The following RUNDC3B variants were observed in gnomAD, a reference collection of about 807,000 sequenced individuals.
The protein encoded by RUNDC3B is RUN domain containing 3B.
RUNDC3B carries 33 observed loss-of-function variants against 58.4 expected under a neutral mutation model. That is an observed-to-expected ratio of 0.56 (90% confidence interval 0.43 to 0.75). The LOEUF (loss-of-function observed/expected upper bound fraction) is 0.75, where lower values mean the gene tolerates loss of function less well. RUNDC3B is among the 30% of genes least tolerant of loss of function. RUNDC3B has a pLI of 0.00. For synonymous variants in RUNDC3B, 193 were observed against 195.2 expected (o/e 0.99, Z 0.10); for missense variants, 501 against 535.7 (o/e 0.94, Z 0.64).
intron 4 of RUNDC3B, among the ~76,000 whole-genome samples, chr7:87,723,515 A>G (rs1831028247): frequency 6.6e-6 from 1 of 152,202 alleles, no homozygotes; most frequent in South Asian, 2.1e-4. Context: ...TTCACAGCCT[A>G]CAGAAAAATA....
At chr7:87,706,840 C>G (rs983460400) in intron 3 of RUNDC3B, among the ~76,000 whole-genome samples, 9 of 152,104 alleles carry the variant, frequency 5.9e-5, no homozygotes, top group African/African-American at 1.7e-4. Flanking sequence ...TCATCTGTAG[C>G]TCAAAGCAAA....
At chr7:87,754,599 A>C (rs117987950) in intron 6 of RUNDC3B, among the ~76,000 whole-genome samples, 4,515 of 152,294 alleles carry the variant, frequency 0.03, 64 homozygotes, top group Middle Eastern at 0.048. Context: ...AGCTAAACTG[A>C]AGGAAATCAA....
At chr7:87,789,548 T>C (rs932663948) in intron 8 of RUNDC3B, among the ~76,000 whole-genome samples, 5 of 152,198 alleles carry the variant, frequency 3.3e-5, no homozygotes, top group African/African-American at 1.2e-4. Flanking sequence ...TGACAGTTTC[T>C]ACTCATCTGG....
chr7:87,670,687 A>G (rs1160971398), intron 2 of RUNDC3B, among the ~76,000 whole-genome samples: 1 of 152,050 alleles, frequency 6.6e-6, no homozygotes, highest in Non-Finnish European at 1.5e-5. Flanking sequence ...GGCTTTGTGC[A>G]GTGTCTTTAT....
intron 6 of RUNDC3B, among the ~76,000 whole-genome samples, chr7:87,764,736 C>T (rs1833888570): frequency 6.6e-6 from 1 of 151,832 alleles, no homozygotes; most frequent in Non-Finnish European, 1.5e-5. Context: ...TTTCATTCTT[C>T]TTTATGGCTA....
At chr7:87,639,438 C>CT (rs1822206833) in intron 1 of RUNDC3B, among the ~76,000 whole-genome samples, 1 of 152,128 alleles carries the variant, frequency 6.6e-6, no homozygotes, top group African/African-American at 2.4e-5. Context: ...TTCATGTCCT[C>CT]TGTATTCTTA....
intron 1 of RUNDC3B, among the ~76,000 whole-genome samples, chr7:87,632,908 A>G (rs1821371177): frequency 6.6e-6 from 1 of 152,196 alleles, no homozygotes; most frequent in Non-Finnish European, 1.5e-5. Context: ...GAAACTTCCC[A>G]TGCAAAGTCA....
chr7:87,754,325 T>G (rs1392147621), intron 6 of RUNDC3B, among the ~76,000 whole-genome samples: 1 of 152,170 alleles, frequency 6.6e-6, no homozygotes, highest in Non-Finnish European at 1.5e-5. Flanking sequence ...TTAAACAACA[T>G]GCTCCTGATT....
intron 4 of RUNDC3B, among the ~76,000 whole-genome samples, chr7:87,733,171 C>T (rs953340987): frequency 6.6e-6 from 1 of 152,136 alleles, no homozygotes; most frequent in Non-Finnish European, 1.5e-5. Context: ...CCACAAAGGT[C>T]GCATTCCATT....
chr7:87,751,618 A>G (rs1371833577), intron 6 of RUNDC3B, among the ~76,000 whole-genome samples: 2 of 152,000 alleles, frequency 1.3e-5, no homozygotes, highest in African/African-American at 4.8e-5. Context: ...TTGGATTCCT[A>G]GGTATTTTAT....
intron 1 of RUNDC3B, among the ~76,000 whole-genome samples, chr7:87,641,160 A>T (rs547831097): frequency 6.6e-6 from 1 of 152,208 alleles, no homozygotes; most frequent in East Asian, 1.9e-4. Flanking sequence ...TAGTACTATC[A>T]TGTTTACCCT....
At chr7:87,646,924 A>G (rs1394036727) in intron 1 of RUNDC3B, among the ~76,000 whole-genome samples, 1 of 152,154 alleles carries the variant, frequency 6.6e-6, no homozygotes, top group Non-Finnish European at 1.5e-5. Flanking sequence ...TATCAGTGTT[A>G]CTTCCTATAT....
At chr7:87,821,540 C>T (rs949005898) in intron 10 of RUNDC3B, among the ~76,000 whole-genome samples, 11 of 152,152 alleles carry the variant, frequency 7.2e-5, no homozygotes, top group African/African-American at 2.4e-4. Flanking sequence ...GAAAAAACTA[C>T]TTTAAAGTTC....
intron 2 of RUNDC3B, among the ~76,000 whole-genome samples, chr7:87,667,136 T>G (rs1825336665): frequency 6.6e-6 from 1 of 152,164 alleles, no homozygotes; most frequent in South Asian, 2.1e-4. Flanking sequence ...GGGATGTTTA[T>G]CCATTTGTGT....
chr7:87,798,048 T>G (rs1168640349), intron 8 of RUNDC3B, among the ~76,000 whole-genome samples: 1 of 152,160 alleles, frequency 6.6e-6, no homozygotes, highest in East Asian at 1.9e-4. Context: ...ACTGGTTTCA[T>G]TTAACTAAGA....
Position 87,693,423 on chromosome 7 carries a change from T to C in RUNDC3B, c.239-6998T>C, listed in dbSNP as rs541003035. On this transcript the variant is annotated intron_variant, in intron 2 of 10. Transcript: ENST00000394654. ...TTCAAAATATATTTGTTTATAACTTTTAGAAAAGTTAACATTTAAAAATGT... is the reference window on the plus strand; with the variant it reads ...TTCAAAATATATTTGTTTATAACTTCTAGAAAAGTTAACATTTAAAAATGT... Among the ~76,000 whole-genome samples the C allele has an allele frequency of 2.0e-5, 3 of 152,342 alleles. No individual in the cohort carries two copies. In the South Asian group the frequency reaches 6.2e-4, roughly 32 times the overall value.
intron 6 of RUNDC3B, among the ~76,000 whole-genome samples, chr7:87,763,788 T>C (rs1239229991): frequency 5.3e-5 from 8 of 151,784 alleles, no homozygotes; most frequent in Non-Finnish European, 1.0e-4. Context: ...TATTCTTTGC[T>C]ATTTGTTTGT....
chr7:87,657,916 G>GA (rs1282331046), intron 2 of RUNDC3B, among the ~76,000 whole-genome samples: 2 of 152,054 alleles, frequency 1.3e-5, no homozygotes, highest in African/African-American at 4.8e-5. Context: ...TTCCCCTGTG[G>GA]GAGCAGTGTC....
chr7:87,683,826 A>G (rs1433230688), intron 2 of RUNDC3B, among the ~76,000 whole-genome samples: 2 of 152,238 alleles, frequency 1.3e-5, no homozygotes, highest in Admixed American at 1.3e-4. Flanking sequence ...CAAGGTTGAC[A>G]CAAACCTTCA....
Sources: allele counts gnomAD v4.1 joint callset (sites outside exome capture counted in the v4.1 genomes callset), GRCh38; gene constraint gnomAD v4.1.1; transcripts MANE v1.5; gene names NCBI Gene and HGNC (gene_info 2026-07-23, HGNC 2026-07-21).